Variants in MARVELD2 observed in about 807,000 individuals in gnomAD.
MARVELD2 encodes MARVEL domain-containing protein 2.
MARVELD2 carries 49 observed loss-of-function variants against 57.6 expected under a neutral mutation model. That is an observed-to-expected ratio of 0.85 (90% CI 0.68 to 1.08). The LOEUF (loss-of-function observed/expected upper bound fraction) is 1.08. Ranked by LOEUF, MARVELD2 falls within the 50% of genes least tolerant of loss-of-function variation. The pLI, the probability that MARVELD2 is intolerant of heterozygous loss-of-function variation, is 0.00. For synonymous variants in MARVELD2, 238 were observed against 258.8 expected (o/e 0.92, Z 0.77); for missense variants, 606 against 701.1 (o/e 0.86, Z 1.53).
In MARVELD2 at chr5:69,443,577, T is replaced by C. The variant is rs1253319151; in HGVS notation, c.*1923T>C. On this transcript the variant is annotated 3_prime_UTR_variant, in exon 7 of 7. Transcript: ENST00000325631. The stretch of plus-strand genomic sequence containing the variant: ...GTTTTATTTCTGTTAGTATGAACAA[T>C]AGACTGCCTTAACAAAGTTTTTTTT... The C allele has an allele frequency of 3.3e-5, 5 of 152,204 alleles. No homozygotes were observed. Among genetic ancestry groups the C allele is most frequent in the African/African-American group, 1.2e-4 (5 of 41,464 alleles). The allele number at this position is 152,204 out of a possible 1,614,324, so 9.4% of individuals were successfully genotyped here.
At chr5:69,420,564 GTA>G (rs1399080051) in intron 2 of MARVELD2, 33 bp downstream of exon 2, 2 of 1,591,994 alleles carry the variant, frequency 1.3e-6, no homozygotes, top group African/African-American at 1.3e-5. Flanking sequence ...ATTTGTGTGT[GTA>G]TGTTTGTTTT....
rs753543276 is a variant in MARVELD2, at chr5:69,433,033, G to A, written c.1443G>A (p.Arg481=). 1.8e-5 allele frequency: 29 copies of A among 1,614,074 alleles called. No individual in the cohort carries two copies. The South Asian group carries it at 2.9e-4, about 16-fold the overall frequency. ...CTGCAGAAGTTCAGGCTGTCCTGAGGAAGTTTGATGAGCTGGATGCAGTGA... is the reference window on the plus strand; with the variant it reads ...CTGCAGAAGTTCAGGCTGTCCTGAGAAAGTTTGATGAGCTGGATGCAGTGA... ...ELSAEVQAVL[R]KFDELDAVMS... Residue 481 remains arginine, a synonymous_variant, in exon 5 of 7, where the codon AGG becomes AGA. Transcript: ENST00000325631.
chr5:69,417,577 G>A (rs1012387240), intron 1 of MARVELD2, among the ~76,000 whole-genome samples: 5 of 152,340 alleles, frequency 3.3e-5, no homozygotes, highest in African/African-American at 1.2e-4. Flanking sequence ...GCCAAGGCAG[G>A]AGGATCGCTT....
In MARVELD2 at chr5:69,437,335, C is replaced by T. The variant is rs192369611; in HGVS notation, c.1504-3115C>T. On this transcript the variant is annotated intron_variant, in intron 5 of 6. Coordinates refer to ENST00000325631, the MANE Select transcript of MARVELD2 (RefSeq NM_001038603.3). ...GGCGGAGGCTCTGGTGTGCCAAGAT[C>T]GCGCCATTGCACTCCAGCCTGGGCA... Among the ~76,000 whole-genome samples, 369 of 143,558 alleles carry T rather than the reference C, an allele frequency of 2.6e-3. 1 individual carries two copies. The highest frequency in any genetic ancestry group is 9.3e-3 in the African/African-American group (357 of 38,544). 94.2% of individuals were successfully genotyped at this position (143,558 alleles called of 152,430 possible). A position where few individuals can be genotyped will look rare whatever the true frequency, so the allele number is the denominator to read the frequency against.
At chr5:69,429,538 G>A (rs951710211) in intron 3 of MARVELD2, among the ~76,000 whole-genome samples, 9 of 152,156 alleles carry the variant, frequency 5.9e-5, no homozygotes, top group Admixed American at 1.3e-4. Context: ...TCCCAAGCAC[G>A]ATCTTACTTT....
intron 3 of MARVELD2, among the ~76,000 whole-genome samples, chr5:69,432,016 ATT>A (rs112702646): frequency 1.4e-5 from 2 of 141,618 alleles, no homozygotes. Flanking sequence ...CATCTGCCAG[ATT>A]TTTTTTTTTT....
At chr5:69,424,897 C>T (rs377356852) in intron 3 of MARVELD2, among the ~76,000 whole-genome samples, 16 of 152,070 alleles carry the variant, frequency 1.1e-4, no homozygotes, top group East Asian at 9.7e-4. Flanking sequence ...TGGTGGCACA[C>T]GCCTGTAATC....
intron 2 of MARVELD2, 32 bp from the exon 3 acceptor site, chr5:69,424,569 T>C (rs1276258926): frequency 2.5e-6 from 4 of 1,587,940 alleles, no homozygotes; most frequent in Middle Eastern, 1.7e-4. Context: ...TCACATGCCT[T>C]TGAAAAACTA....
At chr5:69,435,885 T>G (rs1474322251) in intron 5 of MARVELD2, among the ~76,000 whole-genome samples, 2 of 152,174 alleles carry the variant, frequency 1.3e-5, no homozygotes, top group African/African-American at 4.8e-5. Flanking sequence ...GTTTGAACAT[T>G]TCATATCAAT....
At chr5:69,436,447 ACAC>A (rs1767144221) in intron 5 of MARVELD2, among the ~76,000 whole-genome samples, 1 of 138,500 alleles carries the variant, frequency 7.2e-6, no homozygotes, top group South Asian at 2.6e-4. Flanking sequence ...ACACACACAC[ACAC>A]ACATATATAT....
rs188786115 is a variant in MARVELD2, at chr5:69,436,014, C to T, written c.1503+2921C>T. ...AATATTCTGCTATATGGATATACCACATTTTGTTTATCCATTTATCAAGAG... is the reference window on the plus strand; with the variant it reads ...AATATTCTGCTATATGGATATACCATATTTTGTTTATCCATTTATCAAGAG... On this transcript the variant is annotated intron_variant, in intron 5 of 6. Coordinates refer to ENST00000325631, the MANE Select transcript of MARVELD2 (RefSeq NM_001038603.3). 3.9e-3 allele frequency among the ~76,000 whole-genome samples: 586 copies of T among 152,196 alleles called. 1 individual carries two copies. Among genetic ancestry groups the T allele is most frequent in the Non-Finnish European group, 6.7e-3 (455 of 68,014 alleles).
intron 3 of MARVELD2, among the ~76,000 whole-genome samples, chr5:69,429,073 C>T (rs1016044753): frequency 6.6e-6 from 1 of 152,070 alleles, no homozygotes; most frequent in Admixed American, 6.6e-5. Flanking sequence ...TTCATTTCCT[C>T]GGGGTACTCT....
chr5:69,432,880 T>C (rs752527110), intron 4 of MARVELD2, 42 bp from the exon 5 acceptor site: 2 of 1,612,446 alleles, frequency 1.2e-6, no homozygotes, highest in East Asian at 4.5e-5. Context: ...TCAGCTTCTT[T>C]TAGTGAAACA....
intron 5 of MARVELD2, among the ~76,000 whole-genome samples, chr5:69,438,042 T>A (rs955372642): frequency 5.9e-5 from 9 of 152,226 alleles, no homozygotes; most frequent in African/African-American, 2.2e-4. Context: ...CTGAGCTTTG[T>A]CCTGGGCAGG....
At position 69,443,718 on chromosome 5, in the gene MARVELD2, C is replaced by T. The variant is rs1767390532; in HGVS notation, c.*2064C>T. 6.6e-6 allele frequency: 1 copy of T among 151,990 alleles called. No homozygotes were observed. Among genetic ancestry groups the T allele is most frequent in the Non-Finnish European group, 1.5e-5 (1 of 68,020 alleles). 9.4% of individuals were successfully genotyped at this position (151,990 alleles called of 1,614,324 possible). ...AGCTGCCATTCAGACAATTAATGTT[C>T]AAAGAGTTTTCTAAAGTGATAAAAC... On this transcript the variant is annotated 3_prime_UTR_variant, in exon 7 of 7. Coordinates refer to ENST00000325631, the MANE Select transcript of MARVELD2 (RefSeq NM_001038603.3).
chr5:69,439,013 C>T (rs1165363475), intron 5 of MARVELD2, among the ~76,000 whole-genome samples: 5 of 147,058 alleles, frequency 3.4e-5, no homozygotes, highest in Non-Finnish European at 7.4e-5. Flanking sequence ...TTACAGTGAG[C>T]TATTACACCA....
At position 69,444,067 on chromosome 5, in the gene MARVELD2, T is replaced by C. The variant is rs1361441180; in HGVS notation, c.*2413T>C. 6.9e-6 allele frequency: 1 copy of C among 145,238 alleles called. No individual in the cohort carries two copies. The highest frequency in any genetic ancestry group is 1.5e-5 in the Non-Finnish European group (1 of 66,746). 9.0% of individuals were successfully genotyped at this position (145,238 alleles called of 1,614,324 possible). On this transcript the variant is annotated 3_prime_UTR_variant, in exon 7 of 7. Transcript: ENST00000325631. ...GATAGACTGTAAAGAGTTAGATTCC[T>C]GTTGAAGTGTTAAGGAAATTTAACT...
rs1178060543 is a variant in MARVELD2 at position 69,432,975 on chromosome 5, T to C, written c.1385T>C (p.Phe462Ser). The C allele has an allele frequency of 6.2e-7, 1 of 1,614,216 alleles. No individual in the cohort carries two copies. Among genetic ancestry groups the C allele is most frequent in the Admixed American group, 1.7e-5 (1 of 60,012 alleles). Residue 462 changes from phenylalanine (F) to serine (S), a missense_variant, in exon 5 of 7, where the codon TTC becomes TCC. Coordinates refer to ENST00000325631, the MANE Select transcript of MARVELD2 (RefSeq NM_001038603.3). ...GAGCGAGAACGCTATAAAGCTGTGT[T>C]CCAAGACCAGTTTTCAGAGTACAAA... Reference protein sequence around the residue: ...DDERERYKAVFQDQFSEYKEL... With the variant: ...DDERERYKAVSQDQFSEYKEL...
At chr5:69,435,659 A>G (rs539315163) in intron 5 of MARVELD2, among the ~76,000 whole-genome samples, 1 of 147,026 alleles carries the variant, frequency 6.8e-6, no homozygotes, top group Admixed American at 7.0e-5. Context: ...AGGCTGAGGC[A>G]GGAGAATCAC....
Sources: allele counts gnomAD v4.1 joint callset (sites outside exome capture counted in the v4.1 genomes callset), GRCh38; gene constraint gnomAD v4.1.1; transcripts MANE v1.5; gene names NCBI Gene and HGNC (gene_info 2026-07-23, HGNC 2026-07-21).